UBAC2: variants seen among roughly 807,000 people sequenced by gnomAD.
UBAC2 encodes the protein ubiquitin-associated domain-containing protein 2.
UBAC2 carries 26 observed loss-of-function variants against 44.0 expected under a neutral mutation model. The ratio of observed to expected loss-of-function variants is 0.59; its 90% CI spans 0.43 to 0.82. UBAC2 has a LOEUF of 0.82. Ranked by LOEUF, UBAC2 falls within the 40% of genes least tolerant of loss-of-function variation. UBAC2 has a pLI of 0.00. For missense variants in UBAC2, 329 were observed against 419.4 expected, an observed-to-expected ratio of 0.78 and a Z score of 1.88; for synonymous variants, 155 against 154.3, an observed-to-expected ratio of 1.00 and a Z score of -0.04.
chr13:99,302,802 G>A (rs553461008), intron 4 of UBAC2, among the ~76,000 whole-genome samples: 2 of 152,296 alleles, frequency 1.3e-5, no homozygotes, highest in South Asian at 4.1e-4. Flanking sequence ...TTAATAATAC[G>A]CTGCTAACCA....
At chr13:99,274,491 G>GT (rs35686257) in intron 4 of UBAC2, among the ~76,000 whole-genome samples, 20,766 of 151,212 alleles carry the variant, frequency 0.14, 1,666 homozygotes, top group East Asian at 0.32. Flanking sequence ...GGACTGGCTA[G>GT]TTTTTTTTAT....
intron 4 of UBAC2, among the ~76,000 whole-genome samples, chr13:99,260,587 G>A (rs1408918755): frequency 6.6e-6 from 1 of 152,190 alleles, no homozygotes; most frequent in Non-Finnish European, 1.5e-5. Flanking sequence ...CTTCGCGATG[G>A]TTTTGTGTTG....
chr13:99,247,551 A>C (rs2043402641), intron 4 of UBAC2, among the ~76,000 whole-genome samples: 2 of 151,992 alleles, frequency 1.3e-5, no homozygotes. Flanking sequence ...CTTCATGGAC[A>C]CAGGGAGGGG....
chr13:99,258,976 G>C (rs2043615777), intron 4 of UBAC2, among the ~76,000 whole-genome samples: 2 of 152,150 alleles, frequency 1.3e-5, no homozygotes, highest in African/African-American at 2.4e-5. Flanking sequence ...TTAGTTTGCT[G>C]TATTTTGTAA....
At chr13:99,245,393 G>A (rs2043370834) in intron 4 of UBAC2, among the ~76,000 whole-genome samples, 1 of 152,168 alleles carries the variant, frequency 6.6e-6, no homozygotes, top group South Asian at 2.1e-4. Context: ...CCGGTGTATA[G>A]GTTATAACTT....
At chr13:99,297,374 C>T (rs2044192376) in intron 4 of UBAC2, among the ~76,000 whole-genome samples, 1 of 152,190 alleles carries the variant, frequency 6.6e-6, no homozygotes, top group Non-Finnish European at 1.5e-5. Context: ...GATGTTGCTA[C>T]TGTATATTTA....
intron 8 of UBAC2, among the ~76,000 whole-genome samples, chr13:99,384,208 T>G (rs1008623431): frequency 2.6e-5 from 4 of 152,224 alleles, no homozygotes; most frequent in African/African-American, 9.6e-5. Flanking sequence ...AAACTCTGAC[T>G]AAGTCCTCAG....
At chr13:99,201,394 C>A (rs577620505) in intron 1 of UBAC2, 1 of 1,605,004 alleles carries the variant, frequency 6.2e-7, no homozygotes, top group Non-Finnish European at 8.5e-7. Context: ...TAGAAGCTGA[C>A]CTCTCAGTTT....
At chr13:99,336,105 T>G (rs187406229) in intron 6 of UBAC2, among the ~76,000 whole-genome samples, 7 of 152,310 alleles carry the variant, frequency 4.6e-5, no homozygotes, top group Non-Finnish European at 1.0e-4. Flanking sequence ...TAAAAACAAG[T>G]GAGGATAAAC....
At chr13:99,285,993 G>A (rs1450309802) in intron 4 of UBAC2, among the ~76,000 whole-genome samples, 2 of 152,168 alleles carry the variant, frequency 1.3e-5, no homozygotes, top group African/African-American at 4.8e-5. Context: ...CACAGTTGAT[G>A]TAATTAACTT....
At chr13:99,207,637 A>G (rs1330299888) in intron 1 of UBAC2, among the ~76,000 whole-genome samples, 1 of 152,214 alleles carries the variant, frequency 6.6e-6, no homozygotes, top group Non-Finnish European at 1.5e-5. Context: ...AACATTTGGT[A>G]GGGAGCCTTG....
At chr13:99,333,559 T>C (rs996853095) in intron 6 of UBAC2, among the ~76,000 whole-genome samples, 3 of 152,218 alleles carry the variant, frequency 2.0e-5, no homozygotes, top group Non-Finnish European at 2.9e-5. Context: ...CAAGTAGTGA[T>C]CAAAAGCAAC....
At chr13:99,222,743 T>C (rs1019762424) in intron 1 of UBAC2, among the ~76,000 whole-genome samples, 2 of 152,238 alleles carry the variant, frequency 1.3e-5, no homozygotes. Context: ...ATGCTAGGTT[T>C]GATTTACTGA....
chr13:99,357,910 C>T (rs564057734), intron 7 of UBAC2, among the ~76,000 whole-genome samples: 11 of 152,318 alleles, frequency 7.2e-5, no homozygotes, highest in African/African-American at 2.6e-4. Context: ...CATTTTGCAA[C>T]TGTTTCTTGA....
intron 8 of UBAC2, among the ~76,000 whole-genome samples, chr13:99,379,394 T>C (rs2045521795): frequency 6.6e-6 from 1 of 152,256 alleles, no homozygotes; most frequent in African/African-American, 2.4e-5. Flanking sequence ...AACTCACCAA[T>C]GAATTTCTTT....
intron 8 of UBAC2, among the ~76,000 whole-genome samples, chr13:99,381,953 T>C (rs1593994996): frequency 6.6e-6 from 1 of 152,234 alleles, no homozygotes; most frequent in African/African-American, 2.4e-5. Context: ...ACCAATCCTG[T>C]TGGCAAGAGA....
At chr13:99,244,891 G>C (rs1440303630) in intron 4 of UBAC2, among the ~76,000 whole-genome samples, 1 of 150,064 alleles carries the variant, frequency 6.7e-6, no homozygotes, top group East Asian at 1.9e-4. Context: ...GGAGTGCATT[G>C]GCACGATCTC....
intron 8 of UBAC2, among the ~76,000 whole-genome samples, chr13:99,371,967 A>G (rs1309344550): frequency 3.3e-5 from 5 of 152,334 alleles, no homozygotes; most frequent in South Asian, 4.1e-4. Flanking sequence ...CAAGATTTTT[A>G]GTTCTTCAGA....
Position 99,248,691 on chromosome 13 carries a change from T to G in UBAC2, c.389+4067T>G, listed in dbSNP as rs554429805. Among the ~76,000 whole-genome samples the G allele has an allele frequency of 4.0e-5, 6 of 151,810 alleles. No individual in the cohort carries two copies. In the South Asian group the frequency reaches 1.2e-3, roughly 32 times the overall value. ...AGCCACTGTATCCGGCCATTTTTTG[T>G]TTGTTTGTTTGTTTTTGTAGAGATG... On this transcript the variant is annotated intron_variant, in intron 4 of 8. Transcript: ENST00000403766.
Sources: gnomAD v4.1 joint callset for allele counts (sites outside exome capture counted in the v4.1 genomes callset) on GRCh38, gnomAD v4.1.1 for gene constraint, MANE v1.5 for transcripts, NCBI Gene and HGNC (gene_info 2026-07-23, HGNC 2026-07-21) for gene names.